Variants in GBP3 observed in about 807,000 individuals in gnomAD.
GBP3 encodes the protein guanylate binding protein 3, also known as guanylate-binding protein 3.
GBP3 carries 55 observed loss-of-function variants against 62.4 expected under a neutral mutation model. That is an observed-to-expected ratio of 0.88 (90% CI 0.71 to 1.10). The LOEUF (loss-of-function observed/expected upper bound fraction) is 1.10, where lower values mean the gene tolerates loss of function less well. Ranked by LOEUF, GBP3 falls within the 50% of genes least tolerant of loss-of-function variation. GBP3 has a pLI of 0.00. For synonymous variants in GBP3, 208 were observed against 259.2 expected (o/e 0.80, Z 1.90); for missense variants, 605 against 690.6 (o/e 0.88, Z 1.39).
rs1444490387 is a variant in GBP3 at position 89,007,293 on chromosome 1, C to G, written c.*431G>C. The G allele has an allele frequency of 6.5e-6, 1 of 153,490 alleles. No homozygotes were observed. Among genetic ancestry groups the G allele is most frequent in the Admixed American group, 6.5e-5 (1 of 15,428 alleles). 9.5% of individuals were successfully genotyped at this position (153,490 alleles called of 1,614,324 possible). On this transcript the variant is annotated 3_prime_UTR_variant, in exon 11 of 11. Coordinates refer to ENST00000370481, the MANE Select transcript of GBP3 (RefSeq NM_018284.3). The stretch of plus-strand genomic sequence containing the variant: ...ATCCATGGGCAATGTCCAGAAATCA[C>G]ATTATTGCTCATAGACCTTGTAGCC...
At chr1:89,020,264 A>C (rs903367244) in intron 2 of GBP3, 6 of 508,134 alleles carry the variant, frequency 1.2e-5, no homozygotes, top group African/African-American at 5.8e-5. Context: ...AGTCAAGTGC[A>C]GTCAGTAGTG....
chr1:89,015,358 C>T lies in GBP3; in HGVS notation c.247G>A (p.Val83Met), dbSNP rs1488908652. ...TGTTCTGGCTTTTTGGGGTGAGGCA[C>T]ACACCACATCCAGATTCCTTTGGTG... ...SHTKGIWMWCVPHPKKPEHTL... is the reference protein window; with the variant it reads ...SHTKGIWMWCMPHPKKPEHTL... The change falls in exon 3 of 11, where the codon GTG becomes ATG. Residue 83 changes from valine to methionine, a missense_variant. This residue lies in a region of GBP3 where 308 missense variants were observed against 318.0 expected (regional missense o/e 0.97). Coordinates refer to ENST00000370481, the MANE Select transcript of GBP3 (RefSeq NM_018284.3). 1 of 1,613,362 alleles carries T rather than the reference C, an allele frequency of 6.2e-7. No homozygotes were observed. Among genetic ancestry groups the T allele is most frequent in the African/African-American group, 1.3e-5 (1 of 74,836 alleles).
intron 10 of GBP3, 166 bp downstream of exon 10, chr1:89,008,781 G>T: frequency 7.6e-7 from 1 of 1,317,102 alleles, no homozygotes; most frequent in Non-Finnish European, 1.0e-6. Context: ...GTGACCACAT[G>T]TAGGCAGTGG....
rs368436919 is a variant in GBP3, at chr1:89,020,240, GA to G, written c.190+291del. On this transcript the variant is annotated intron_variant, in intron 2 of 10. Coordinates refer to ENST00000370481, the MANE Select transcript of GBP3 (RefSeq NM_018284.3). ...GGGAAAGAGCAAGACCTTGTCTCAAGAAAAAAAAAGACTAGTCAAGTGCAGT... is the reference window on the plus strand; with the variant it reads ...GGGAAAGAGCAAGACCTTGTCTCAAGAAAAAAAAGACTAGTCAAGTGCAGT... 5.3e-3 allele frequency: 2,254 copies of G among 422,688 alleles called. 23 individuals carry two copies. The highest frequency in any genetic ancestry group is 0.039 in the African/African-American group (1,910 of 49,062). 26.2% of individuals were successfully genotyped at this position (422,688 alleles called of 1,614,324 possible).
At position 89,020,017 on chromosome 1, in the gene GBP3, A is replaced by T. The variant is rs144326155; in HGVS notation, c.190+515T>A. The T allele has an allele frequency of 4.8e-4, 86 of 178,490 alleles. 1 individual carries two copies. Among genetic ancestry groups the T allele is most frequent in the African/African-American group, 1.8e-3 (78 of 42,452 alleles). 11.1% of individuals were successfully genotyped at this position (178,490 alleles called of 1,614,324 possible). On this transcript the variant is annotated intron_variant, in intron 2 of 10. Transcript: ENST00000370481. ...GTTACTATGTGAACATGGGCAGGCG[A>T]TCTCTTGAGCCCAGGAGCTTGAGAC...
At chr1:89,021,544 A>ACACACACACC (rs761151308) in intron 1 of GBP3, among the ~76,000 whole-genome samples, 4,127 of 140,868 alleles carry the variant, frequency 0.029, 86 homozygotes, top group East Asian at 0.041. Context: ...ACACACACAC[A>ACACACACACC]CCCCAAAAAA....
At chr1:89,013,595 A>G in intron 5 of GBP3, 168 bp from the exon 6 acceptor site, 2 of 691,856 alleles carry the variant, frequency 2.9e-6, no homozygotes. Flanking sequence ...TGGGCATAGC[A>G]TTCTTCCCAA....
intron 3 of GBP3, 32 bp downstream of exon 3, chr1:89,015,255 G>C (rs1261645162): frequency 2.6e-6 from 4 of 1,556,162 alleles, no homozygotes; most frequent in Non-Finnish European, 2.6e-6. Flanking sequence ...GAGATGAGGG[G>C]CTTATTTCAA....
At chr1:89,017,942 G>A (rs960493358) in intron 2 of GBP3, among the ~76,000 whole-genome samples, 2 of 152,058 alleles carry the variant, frequency 1.3e-5, no homozygotes, top group Non-Finnish European at 2.9e-5. Flanking sequence ...AGCCATGCAT[G>A]GTGGCAGGTG....
In GBP3 at chr1:89,014,657, C is replaced by G. The variant is rs1678786928; in HGVS notation, c.319-1G>C. 1 of 1,614,004 alleles carries G rather than the reference C, an allele frequency of 6.2e-7. No individual in the cohort carries two copies. The highest frequency in any genetic ancestry group is 8.5e-7 in the Non-Finnish European group (1 of 1,179,934). ...TCCAGGAGTCATTCTGGTTGTCACC[C>G]TGGAAGTCAAGACACACTGGAGTCA... On this transcript the variant is annotated splice_acceptor_variant, in intron 3 of 10. Coordinates refer to ENST00000370481, the MANE Select transcript of GBP3 (RefSeq NM_018284.3). LOFTEE classifies it high-confidence loss of function.
At chr1:89,020,830 A>C in intron 1 of GBP3, 87 bp from the exon 2 acceptor site, 1 of 1,172,312 alleles carries the variant, frequency 8.5e-7, no homozygotes, top group South Asian at 1.5e-5. Context: ...GATGGCCAAA[A>C]GTTTTGTGTG....
rs777889915 is a variant in GBP3 at position 89,010,882 on chromosome 1, T to A, written c.1362+22A>T. 3.3e-5 allele frequency: 48 copies of A among 1,461,666 alleles called. 12 individuals carry two copies. Among genetic ancestry groups the A allele is most frequent in the Non-Finnish European group, 4.0e-5 (42 of 1,054,964 alleles). 90.5% of individuals were successfully genotyped at this position (1,461,666 alleles called of 1,614,324 possible). ...GAGGTAGGTCAGCAGGTTTCCATAA[T>A]CGACAGATGAATCTTGGTTACCTGT... On this transcript the variant is annotated intron_variant, in intron 8 of 10. Coordinates refer to ENST00000370481, the MANE Select transcript of GBP3 (RefSeq NM_018284.3).
At chr1:89,022,177 T>G (rs1395466922) in intron 1 of GBP3, among the ~76,000 whole-genome samples, 1 of 152,182 alleles carries the variant, frequency 6.6e-6, no homozygotes, top group Non-Finnish European at 1.5e-5. Flanking sequence ...ATGTTCCTCT[T>G]TGATGCTGGG....
intron 1 of GBP3, among the ~76,000 whole-genome samples, chr1:89,021,787 A>AGGAGAGAG (rs1679234317): frequency 5.3e-5 from 2 of 37,880 alleles, no homozygotes; most frequent in Non-Finnish European, 1.3e-4. Context: ...GGCTGGAAAG[A>AGGAGAGAG]TGAGAGAGAG....
chr1:89,016,668 A>G (rs1349344208), intron 2 of GBP3, among the ~76,000 whole-genome samples: 1 of 152,094 alleles, frequency 6.6e-6, no homozygotes, highest in African/African-American at 2.4e-5. Flanking sequence ...TTGACCTCCC[A>G]GGCTCAAGCA....
Position 89,016,580 on chromosome 1 carries a change from T to C in GBP3, c.191-1166A>G, listed in dbSNP as rs537011973. On this transcript the variant is annotated intron_variant, in intron 2 of 10. Transcript: ENST00000370481. ...AGGGGAATGACTTGTATAATGAAAA[T>C]TACAAAATTTTTTTTTTTTGGAGAC... Among the ~76,000 whole-genome samples the C allele has an allele frequency of 5.3e-4, 80 of 152,122 alleles. No homozygotes were observed. In the South Asian group the frequency reaches 5.8e-3, roughly 11 times the overall value.
rs1325762218 is a variant in GBP3 at position 89,007,651 on chromosome 1, A to G, written c.*73T>C. On this transcript the variant is annotated 3_prime_UTR_variant, in exon 11 of 11. Coordinates refer to ENST00000370481, the MANE Select transcript of GBP3 (RefSeq NM_018284.3). ...GCAAGATCTAATTATTATCAAATAT[A>G]GTGACACTTGTTCCAAATTCTAAAA... The G allele has an allele frequency of 7.3e-6, 10 of 1,368,128 alleles. No homozygotes were observed. Among genetic ancestry groups the G allele is most frequent in the Non-Finnish European group, 1.0e-5 (10 of 982,970 alleles). The allele number at this position is 1,368,128 out of a possible 1,614,324, so 84.7% of individuals were successfully genotyped here.
chr1:89,015,766 A>AAG (rs1678855409), intron 2 of GBP3, among the ~76,000 whole-genome samples: 2 of 149,106 alleles, frequency 1.3e-5, no homozygotes, highest in South Asian at 4.2e-4. Context: ...AAAAAAAAAA[A>AAG]GAGGGATAGA....
chr1:89,008,750 C>T (rs1268881441), intron 10 of GBP3, 197 bp downstream of exon 10: 1 of 981,122 alleles, frequency 1.0e-6, no homozygotes, highest in East Asian at 2.7e-5. Context: ...CTGAATGTGA[C>T]ACCCTGCAAA....
Sources: allele counts gnomAD v4.1 joint callset (sites outside exome capture counted in the v4.1 genomes callset), GRCh38; gene constraint gnomAD v4.1.1; regional missense constraint gnomAD v4.1.1; transcripts MANE v1.5; gene names NCBI Gene and HGNC (gene_info 2026-07-23, HGNC 2026-07-21).